The following GUCY2F variants were observed in gnomAD, a reference collection of about 807,000 sequenced individuals.
GUCY2F encodes the protein retinal guanylyl cyclase 2.
A neutral mutation model predicts 73.1 loss-of-function variants in GUCY2F; 61 were observed. The observed-to-expected ratio is 0.83, with a 90% CI of 0.68 to 1.03. GUCY2F has a LOEUF of 1.03. Among genes scored for constraint, GUCY2F ranks in the 50% least tolerant of loss-of-function variants. The pLI, the probability that GUCY2F is intolerant of heterozygous loss-of-function variation, is 0.00. For synonymous variants in GUCY2F, 331 were observed against 307.8 expected, an observed-to-expected ratio of 1.08 and a Z score of -0.79; for missense variants, 912 against 854.3, an observed-to-expected ratio of 1.07 and a Z score of -0.84.
chrX:109,460,828 T>C (rs1047988917), intron 3 of GUCY2F, among the ~76,000 whole-genome samples: 5 of 111,900 alleles, frequency 4.5e-5, no homozygotes, highest in African/African-American at 1.6e-4. Context: ...ATGAAATTCA[T>C]AAGGTATTTA....
chrX:109,441,332 C>G lies in GUCY2F; in HGVS notation c.1701+19G>C, dbSNP rs759792525. 6 of 1,052,648 alleles carry G rather than the reference C, an allele frequency of 5.7e-6. No individual in the cohort carries two copies. Among genetic ancestry groups the G allele is most frequent in the Admixed American group, 2.8e-5 (1 of 35,140 alleles). The allele number at this position is 1,052,648 out of a possible 1,213,427, so 86.8% of individuals were successfully genotyped here. A position where few individuals can be genotyped will look rare whatever the true frequency, so the allele number is the denominator to read the frequency against. On this transcript the variant is annotated intron_variant, in intron 7 of 19. Coordinates refer to ENST00000218006, the MANE Select transcript of GUCY2F (RefSeq NM_001522.3). ...AAATCCAAGAAAGCAGTAGATTAGA[C>G]AGCTGTTGAATATCTTACCTCATAA...
Position 109,395,232 on chromosome X carries a change from C to T in GUCY2F, c.2424+109G>A, listed in dbSNP as rs113899756. On this transcript the variant is annotated intron_variant, in intron 12 of 19. Coordinates refer to ENST00000218006, the MANE Select transcript of GUCY2F (RefSeq NM_001522.3). ...TGTTCCTCCAAGAGGAGTGCCCTTA[C>T]CCCTTGCAAGAGGTTCCTTCCACAA... 1.7e-3 allele frequency: 1,102 copies of T among 638,902 alleles called. 5 individuals carry two copies. The highest frequency in any genetic ancestry group is 0.016 in the Middle Eastern group (34 of 2,067). The allele number at this position is 638,902 out of a possible 1,213,427, so 52.7% of individuals were successfully genotyped here. A position where few individuals can be genotyped will look rare whatever the true frequency, so the allele number is the denominator to read the frequency against.
At chrX:109,434,313 TG>T (rs1041476220) in intron 7 of GUCY2F, among the ~76,000 whole-genome samples, 2 of 110,604 alleles carry the variant, frequency 1.8e-5, no homozygotes, top group Middle Eastern at 4.6e-3. Context: ...TCTTTCTGCC[TG>T]GCAGTCCGCT....
intron 16 of GUCY2F, among the ~76,000 whole-genome samples, chrX:109,384,121 A>G (rs1930381719): frequency 8.9e-6 from 1 of 112,254 alleles, no homozygotes; most frequent in Non-Finnish European, 1.9e-5. Context: ...AGCACAGGCT[A>G]GATTGACTAA....
chrX:109,399,653 G>A, intron 10 of GUCY2F, among the ~76,000 whole-genome samples: 1 of 110,941 alleles, frequency 9.0e-6, no homozygotes, highest in Admixed American at 9.6e-5. Context: ...ATCAAAAACA[G>A]TTAGATATTG....
chrX:109,455,300 T>G, intron 3 of GUCY2F, among the ~76,000 whole-genome samples: 1 of 111,910 alleles, frequency 8.9e-6, no homozygotes, highest in Non-Finnish European at 1.9e-5. Context: ...AGAAAGTCAT[T>G]TATCAGCTTT....
chrX:109,445,709 G>A (rs922506006), intron 6 of GUCY2F, among the ~76,000 whole-genome samples: 6 of 111,325 alleles, frequency 5.4e-5, no homozygotes, highest in Non-Finnish European at 7.5e-5. Context: ...TTTGAAAACG[G>A]GCACAAGACA....
intron 3 of GUCY2F, among the ~76,000 whole-genome samples, chrX:109,461,601 A>G (rs764041507): frequency 6.3e-5 from 7 of 111,958 alleles, no homozygotes; most frequent in South Asian, 7.6e-4. Context: ...AAGGGTGGCA[A>G]TGAGTGATGT....
chrX:109,462,302 C>T (rs1043210903), intron 3 of GUCY2F, among the ~76,000 whole-genome samples: 4 of 113,287 alleles, frequency 3.5e-5, no homozygotes, highest in African/African-American at 1.3e-4. Context: ...GAGAGCTTAA[C>T]ATGCAGTTTC....
rs761581054 is a variant in GUCY2F at position 109,475,802 on chromosome X, C to T, written c.135G>A (p.Pro45=). 8.3e-7 allele frequency: 1 copy of T among 1,210,904 alleles called. No individual in the cohort carries two copies. The highest frequency in any genetic ancestry group is 1.1e-6 in the Non-Finnish European group (1 of 895,128). ...CLCLLSVMSL[P]QQVWTLPYKI... ...TGTAGGGGAGTGTCCACACCTGCTG[C>T]GGAAGGGACATGACAGACAGAAGGC... is the stretch of plus-strand genomic sequence containing the variant. Residue 45 remains proline, a synonymous_variant, in exon 2 of 20, where the codon CCG becomes CCA. Transcript: ENST00000218006.
chrX:109,450,908 T>G (rs1053137077), intron 5 of GUCY2F, among the ~76,000 whole-genome samples: 1 of 111,849 alleles, frequency 8.9e-6, no homozygotes, highest in Non-Finnish European at 1.9e-5. Flanking sequence ...ATTTCTTCAT[T>G]GCGCAAATAA....
intron 2 of GUCY2F, among the ~76,000 whole-genome samples, chrX:109,474,402 C>A (rs1281614928): frequency 1.8e-5 from 2 of 111,173 alleles, no homozygotes; most frequent in Admixed American, 9.6e-5. Context: ...CAAGGGCTTG[C>A]CATAAGTGTG....
chrX:109,393,114 T>C, intron 12 of GUCY2F, 59 bp from the exon 13 acceptor site: 1 of 625,958 alleles, frequency 1.6e-6, no homozygotes. Context: ...TCAGAGATGA[T>C]GGAGCAGGTC....
chrX:109,470,028 A>G (rs1932543076), intron 2 of GUCY2F, among the ~76,000 whole-genome samples: 1 of 112,236 alleles, frequency 8.9e-6, no homozygotes, highest in Admixed American at 9.4e-5. Flanking sequence ...ATGATGGCAC[A>G]CAAATATAAC....
chrX:109,403,301 C>T (rs183151639), intron 10 of GUCY2F, among the ~76,000 whole-genome samples: 2 of 110,953 alleles, frequency 1.8e-5, no homozygotes, highest in African/African-American at 6.5e-5. Flanking sequence ...TTTAGTGCTA[C>T]CACTGGTGCA....
chrX:109,440,307 A>G (rs753203114), intron 7 of GUCY2F, among the ~76,000 whole-genome samples: 4 of 111,690 alleles, frequency 3.6e-5, no homozygotes, highest in African/African-American at 6.5e-5. Flanking sequence ...ATCCTCTTCT[A>G]TAAGGGTTTT....
Position 109,448,160 on chromosome X carries a change from C to A in GUCY2F, c.1478G>T (p.Arg493Leu), listed in dbSNP as rs372111572. ...INGFAYFIRR[R>L]INKIQLIKGP... Reference sequence around the variant, plus strand: ...TTTGATCAACTGGATTTTATTTATACGACGCCTAAAACAAACATGAAATCA... The same window carrying A: ...TTTGATCAACTGGATTTTATTTATAAGACGCCTAAAACAAACATGAAATCA... Residue 493 changes from arginine to leucine, a missense_variant, in exon 6 of 20, where the codon CGT (arginine) becomes CTT (leucine). Arg to Leu is a moderately radical substitution (Grantham distance 102, BLOSUM62 -2). Transcript: ENST00000218006. 3 of 1,034,042 alleles carry A rather than the reference C, an allele frequency of 2.9e-6. No individual in the cohort carries two copies. In the East Asian group the frequency reaches 9.1e-5, roughly 32 times the overall value. The allele number at this position is 1,034,042 out of a possible 1,213,427, so 85.2% of individuals were successfully genotyped here. A position where few individuals can be genotyped will look rare whatever the true frequency, so the allele number is the denominator to read the frequency against.
intron 4 of GUCY2F, 46 bp from the exon 5 acceptor site, chrX:109,452,153 G>C (rs947427875): frequency 1.4e-6 from 1 of 706,742 alleles, no homozygotes; most frequent in Non-Finnish European, 2.3e-6. Context: ...ATCAGAGAGA[G>C]GCAGTAAATA....
intron 19 of GUCY2F, among the ~76,000 whole-genome samples, chrX:109,374,176 G>GAGTGC (rs1262601892): frequency 1.8e-5 from 2 of 112,206 alleles, no homozygotes; most frequent in Non-Finnish European, 3.8e-5. Flanking sequence ...AGCAACAGAG[G>GAGTGC]AGTGCTTGGA....
Sources: gnomAD v4.1 joint callset for allele counts (sites outside exome capture counted in the v4.1 genomes callset) on GRCh38, gnomAD v4.1.1 for gene constraint, MANE v1.5 for transcripts, NCBI Gene and HGNC (gene_info 2026-07-23, HGNC 2026-07-21) for gene names.